Variants in DNAH14 observed in about 807,000 individuals in gnomAD.
DNAH14 encodes axonemal beta dynein heavy chain 14.
A neutral mutation model predicts 520.9 loss-of-function variants in DNAH14; 478 were observed. That is an observed-to-expected ratio of 0.92 (90% confidence interval 0.85 to 0.99). DNAH14 has a LOEUF of 0.99. Among genes scored for constraint, DNAH14 ranks in the 50% least tolerant of loss-of-function variants. The probability of loss-of-function intolerance (pLI) is 0.00; values close to 1 mark genes in which losing one functional copy is unlikely to be tolerated. For missense variants in DNAH14, 4,831 were observed against 5,234.5 expected (o/e 0.92, Z 2.38); for synonymous variants, 1,581 against 1,757.2 (o/e 0.90, Z 2.51).
At chr1:225,107,189 G>A (rs1051512417) in intron 23 of DNAH14, among the ~76,000 whole-genome samples, 2 of 152,206 alleles carry the variant, frequency 1.3e-5, no homozygotes, top group Non-Finnish European at 2.9e-5. Flanking sequence ...CTGCAGAACA[G>A]CAGATATTGG....
At chr1:225,109,525 T>A (rs2076327328) in intron 23 of DNAH14, among the ~76,000 whole-genome samples, 1 of 152,178 alleles carries the variant, frequency 6.6e-6, no homozygotes, top group Admixed American at 6.5e-5. Context: ...ACTCTTGGCA[T>A]ATAGAAATGC....
At chr1:225,248,931 T>C (rs2149691348) in intron 43 of DNAH14, among the ~76,000 whole-genome samples, 1 of 152,344 alleles carries the variant, frequency 6.6e-6, no homozygotes, top group Admixed American at 6.5e-5. Flanking sequence ...AAGGTCCTGG[T>C]ACAACTCCAT....
chr1:225,329,960 A>T (rs1389331404), intron 64 of DNAH14, among the ~76,000 whole-genome samples: 1 of 152,198 alleles, frequency 6.6e-6, no homozygotes, highest in African/African-American at 2.4e-5. Context: ...TATAGAAAAA[A>T]ATCTAATAAT....
At chr1:225,064,371 A>G (rs1257826019) in intron 17 of DNAH14, among the ~76,000 whole-genome samples, 1 of 152,082 alleles carries the variant, frequency 6.6e-6, no homozygotes, top group Non-Finnish European at 1.5e-5. Context: ...AATTACTTTT[A>G]AAGTTAAATA....
intron 22 of DNAH14, among the ~76,000 whole-genome samples, chr1:225,097,766 T>G (rs2075115440): frequency 6.6e-6 from 1 of 151,580 alleles, no homozygotes; most frequent in Non-Finnish European, 1.5e-5. Context: ...AGAGCGAGAC[T>G]CTGTATAAAA....
At chr1:225,331,150 A>T (rs1437770327) in intron 64 of DNAH14, among the ~76,000 whole-genome samples, 1 of 152,130 alleles carries the variant, frequency 6.6e-6, no homozygotes, top group African/African-American at 2.4e-5. Context: ...ATAAAATTTT[A>T]TTTGCAAAAA....
At chr1:225,034,132 C>A (rs919986865) in intron 11 of DNAH14, among the ~76,000 whole-genome samples, 5 of 152,100 alleles carry the variant, frequency 3.3e-5, no homozygotes, top group African/African-American at 1.2e-4. Context: ...ACATCCTTGT[C>A]TTTTGCTGTT....
rs10572962 is a variant in DNAH14 at position 225,342,683 on chromosome 1, A to AACAC, written c.10678+2016_10678+2019dup. On this transcript the variant is annotated intron_variant, in intron 69 of 85. Coordinates refer to ENST00000682510, the MANE Select transcript of DNAH14 (RefSeq NM_001367479.1). Reference sequence around the variant, plus strand: ...TTTATAGTAAGATCCATTTCTCATAAACACACACACACACACACACACACA... The same window carrying AACAC: ...TTTATAGTAAGATCCATTTCTCATAAACACACACACACACACACACACACACACA... Among the ~76,000 whole-genome samples, 304 of 148,126 alleles carry AACAC rather than the reference A, an allele frequency of 2.1e-3. 2 individuals are homozygous for AACAC. The East Asian group carries it at 0.023, about 11-fold the overall frequency.
intron 17 of DNAH14, among the ~76,000 whole-genome samples, chr1:225,073,496 G>A (rs1053680500): frequency 5.9e-5 from 9 of 152,052 alleles, no homozygotes; most frequent in East Asian, 3.9e-4. Flanking sequence ...TTTGTAGAGC[G>A]GATGTATTGT....
chr1:225,206,435 A>G (rs999321534), intron 40 of DNAH14, among the ~76,000 whole-genome samples: 1 of 152,138 alleles, frequency 6.6e-6, no homozygotes, highest in African/African-American at 2.4e-5. Flanking sequence ...AAACAAATAG[A>G]CAGGTTAGAC....
intron 41 of DNAH14, among the ~76,000 whole-genome samples, chr1:225,219,565 G>C (rs776125952): frequency 6.6e-6 from 1 of 152,010 alleles, no homozygotes; most frequent in Non-Finnish European, 1.5e-5. Context: ...TAAAAGAAAT[G>C]GATAAATTCC....
At chr1:225,143,297 A>G (rs1050240656) in intron 28 of DNAH14, among the ~76,000 whole-genome samples, 3 of 152,144 alleles carry the variant, frequency 2.0e-5, no homozygotes, top group African/African-American at 7.2e-5. Flanking sequence ...TTTCTTCTTT[A>G]AAAAAACATT....
chr1:225,339,473 T>C (rs2095134998), intron 68 of DNAH14, among the ~76,000 whole-genome samples: 2 of 152,204 alleles, frequency 1.3e-5, no homozygotes, highest in Non-Finnish European at 2.9e-5. Context: ...TAAAACCCCT[T>C]TATTCACCAA....
chr1:225,048,156 T>C (rs1335710542), intron 15 of DNAH14, among the ~76,000 whole-genome samples: 1 of 152,202 alleles, frequency 6.6e-6, no homozygotes, highest in South Asian at 2.1e-4. Context: ...TATAAATGCA[T>C]ATGTAGCTTT....
intron 17 of DNAH14, among the ~76,000 whole-genome samples, chr1:225,064,852 T>C (rs978531950): frequency 1.3e-4 from 20 of 152,010 alleles, no homozygotes; most frequent in Non-Finnish European, 2.8e-4. Context: ...GTTACAAATA[T>C]GTATGAGTGT....
At chr1:225,329,295 G>A (rs1324758061) in intron 64 of DNAH14, among the ~76,000 whole-genome samples, 2 of 152,188 alleles carry the variant, frequency 1.3e-5, no homozygotes, top group Non-Finnish European at 2.9e-5. Context: ...CAAAGGATGT[G>A]AGTCAAATCC....
chr1:225,131,772 T>C (rs2148959531), intron 27 of DNAH14, among the ~76,000 whole-genome samples: 1 of 152,220 alleles, frequency 6.6e-6, no homozygotes, highest in East Asian at 1.9e-4. Context: ...AACTAGGAAG[T>C]TGTGATGTCA....
chr1:225,374,233 A>T lies in DNAH14; in HGVS notation c.12319-455A>T, dbSNP rs559983952. Among the ~76,000 whole-genome samples, 163 of 25,806 alleles carry T rather than the reference A, an allele frequency of 6.3e-3. 8 individuals are homozygous for T. The highest frequency in any genetic ancestry group is 0.014 in the African/African-American group (151 of 10,860). The allele number at this position is 25,806 out of a possible 152,430, so 16.9% of individuals were successfully genotyped here. On this transcript the variant is annotated intron_variant, in intron 77 of 85. Transcript: ENST00000682510. ...CTAGTAAGACAAATGAAATATATATAATATATATATTTGTCTATATATATA... is the reference window on the plus strand; with the variant it reads ...CTAGTAAGACAAATGAAATATATATTATATATATATTTGTCTATATATATA...
intron 39 of DNAH14, among the ~76,000 whole-genome samples, 183 bp from the exon 40 acceptor site, chr1:225,205,788 G>T (rs1479796106): frequency 6.6e-6 from 1 of 152,134 alleles, no homozygotes; most frequent in Non-Finnish European, 1.5e-5. Context: ...TAAGTATACT[G>T]TATAAATATT....
Sources: allele counts gnomAD v4.1 joint callset (sites outside exome capture counted in the v4.1 genomes callset), GRCh38; gene constraint gnomAD v4.1.1; transcripts MANE v1.5; gene names NCBI Gene and HGNC (gene_info 2026-07-23, HGNC 2026-07-21).